The following LRMDA variants were observed in gnomAD, a reference collection of about 807,000 sequenced individuals.
LRMDA encodes the protein leucine-rich melanocyte differentiation-associated protein.
A neutral mutation model predicts 29.8 loss-of-function variants in LRMDA; 18 were observed. The ratio of observed to expected loss-of-function variants is 0.60; its 90% CI spans 0.42 to 0.90. The LOEUF (loss-of-function observed/expected upper bound fraction) is 0.90, where lower values mean the gene tolerates loss of function less well. Among genes scored for constraint, LRMDA ranks in the 40% least tolerant of loss-of-function variants. The pLI is 0.00. For missense variants in LRMDA, 273 were observed against 273.9 expected, an observed-to-expected ratio of 1.00 and a Z score of 0.02; for synonymous variants, 125 against 109.4, an observed-to-expected ratio of 1.14 and a Z score of -0.89.
At chr10:76,132,036 T>C (rs1253279393) in intron 5 of LRMDA, among the ~76,000 whole-genome samples, 2 of 152,236 alleles carry the variant, frequency 1.3e-5, no homozygotes, top group Non-Finnish European at 2.9e-5. Flanking sequence ...AAATCTTGAA[T>C]GCACCATTCA....
At chr10:76,008,615 G>A (rs1315983421) in intron 2 of LRMDA, among the ~76,000 whole-genome samples, 1 of 152,248 alleles carries the variant, frequency 6.6e-6, no homozygotes, top group African/African-American at 2.4e-5. Context: ...GCCTCCCACC[G>A]GGTACACACT....
chr10:76,154,833 C>G (rs539007077), intron 5 of LRMDA, among the ~76,000 whole-genome samples: 47 of 152,292 alleles, frequency 3.1e-4, no homozygotes, highest in African/African-American at 1.1e-3. Context: ...TCAGCTCATT[C>G]TAGCTCATTC....
chr10:76,160,811 A>G (rs1279832333), intron 5 of LRMDA, among the ~76,000 whole-genome samples: 1 of 152,168 alleles, frequency 6.6e-6, no homozygotes, highest in African/African-American at 2.4e-5. Flanking sequence ...TTATTTTCTT[A>G]CTGGAGGAAG....
At chr10:75,573,816 A>C (rs1218823062) in intron 2 of LRMDA, among the ~76,000 whole-genome samples, 1 of 152,064 alleles carries the variant, frequency 6.6e-6, no homozygotes, top group Non-Finnish European at 1.5e-5. Context: ...TATATTTGTT[A>C]AGAGGTGTGT....
At chr10:76,253,690 TA>T (rs1852528715) in intron 5 of LRMDA, among the ~76,000 whole-genome samples, 1 of 152,206 alleles carries the variant, frequency 6.6e-6, no homozygotes, top group Admixed American at 6.5e-5. Flanking sequence ...GTTCCTCCTT[TA>T]AAAAATCAAC....
At chr10:75,803,646 G>A (rs895084704) in intron 2 of LRMDA, among the ~76,000 whole-genome samples, 1 of 152,246 alleles carries the variant, frequency 6.6e-6, no homozygotes, top group Non-Finnish European at 1.5e-5. Context: ...GATGAAATGA[G>A]TTGACCCATG....
intron 5 of LRMDA, among the ~76,000 whole-genome samples, chr10:76,251,785 G>A (rs1167688871): frequency 6.6e-6 from 1 of 152,174 alleles, no homozygotes; most frequent in Admixed American, 6.5e-5. Flanking sequence ...CGCTACTGGA[G>A]GTTAAGGCAA....
intron 6 of LRMDA, among the ~76,000 whole-genome samples, chr10:76,543,516 A>G (rs1843383289): frequency 6.6e-6 from 1 of 152,110 alleles, no homozygotes; most frequent in Non-Finnish European, 1.5e-5. Context: ...AGCAAAAATC[A>G]GGTTGATTGA....
At chr10:75,821,948 C>T (rs1844169488) in intron 2 of LRMDA, among the ~76,000 whole-genome samples, 1 of 152,174 alleles carries the variant, frequency 6.6e-6, no homozygotes, top group South Asian at 2.1e-4. Flanking sequence ...TGCCCACTGT[C>T]ACCACTCTGA....
At chr10:75,495,050 G>A (rs1407593716) in intron 2 of LRMDA, among the ~76,000 whole-genome samples, 1 of 152,232 alleles carries the variant, frequency 6.6e-6, no homozygotes, top group Non-Finnish European at 1.5e-5. Flanking sequence ...CCGTCCAGAT[G>A]TAAGGCCACA....
intron 2 of LRMDA, among the ~76,000 whole-genome samples, chr10:76,013,467 A>G (rs896979111): frequency 6.6e-6 from 1 of 152,128 alleles, no homozygotes; most frequent in Admixed American, 6.5e-5. Context: ...AAATTAAAAC[A>G]ACAACCACCA....
chr10:75,586,380 C>T (rs977538575), intron 2 of LRMDA, among the ~76,000 whole-genome samples: 3 of 90,172 alleles, frequency 3.3e-5, no homozygotes, highest in African/African-American at 1.2e-4. Flanking sequence ...AAATTAGAGA[C>T]AGGATCTCAC....
intron 2 of LRMDA, among the ~76,000 whole-genome samples, chr10:76,006,264 G>C (rs947740313): frequency 3.9e-5 from 6 of 152,128 alleles, no homozygotes; most frequent in African/African-American, 1.4e-4. Flanking sequence ...CTCCCTGTGC[G>C]GCGGCTGAGG....
chr10:75,955,343 A>T (rs1846646363), intron 2 of LRMDA, among the ~76,000 whole-genome samples: 1 of 152,144 alleles, frequency 6.6e-6, no homozygotes, highest in African/African-American at 2.4e-5. Context: ...CTCCACAAAC[A>T]TTTACTGCCA....
At chr10:76,492,193 CT>C (rs1842840172) in intron 6 of LRMDA, among the ~76,000 whole-genome samples, 1 of 152,026 alleles carries the variant, frequency 6.6e-6, no homozygotes, top group African/African-American at 2.4e-5. Context: ...GAATTGGTCC[CT>C]GGTGGTTTTT....
intron 6 of LRMDA, among the ~76,000 whole-genome samples, chr10:76,439,029 A>G (rs1183461670): frequency 2.0e-5 from 3 of 152,222 alleles, no homozygotes; most frequent in African/African-American, 7.2e-5. Flanking sequence ...TAAGCTTATG[A>G]TGAATACTTA....
chr10:76,252,406 A>C (rs1852502780), intron 5 of LRMDA, among the ~76,000 whole-genome samples: 1 of 152,224 alleles, frequency 6.6e-6, no homozygotes, highest in African/African-American at 2.4e-5. Flanking sequence ...AAGGAAAAAA[A>C]AGCTAAGTTG....
intron 5 of LRMDA, among the ~76,000 whole-genome samples, chr10:76,176,923 G>A (rs1850947402): frequency 6.6e-6 from 1 of 152,222 alleles, no homozygotes; most frequent in Non-Finnish European, 1.5e-5. Context: ...GTTTCTTCCA[G>A]CACCATCCAA....
chr10:76,283,957 C>T (rs890341671), intron 5 of LRMDA, among the ~76,000 whole-genome samples: 2 of 152,190 alleles, frequency 1.3e-5, no homozygotes, highest in Non-Finnish European at 1.5e-5. Context: ...TGCACCACCA[C>T]CACACCTTTC....
Sources: gnomAD v4.1 joint callset for allele counts (sites outside exome capture counted in the v4.1 genomes callset) on GRCh38, gnomAD v4.1.1 for gene constraint, MANE v1.5 for transcripts, NCBI Gene and HGNC (gene_info 2026-07-23, HGNC 2026-07-21) for gene names.